Variants in ATG10 observed in about 807,000 individuals in gnomAD.
ATG10 encodes the protein ubiquitin-like-conjugating enzyme ATG10.
In ATG10, 30 loss-of-function variants were observed where a neutral mutation model predicts 32.1. The ratio of observed to expected loss-of-function variants is 0.94; its 90% CI spans 0.70 to 1.27. ATG10 has a LOEUF of 1.27. Ranked by LOEUF, ATG10 falls within the 50% of genes most tolerant of loss-of-function variation. The pLI, the probability that ATG10 is intolerant of heterozygous loss-of-function variation, is 0.00. For synonymous variants in ATG10, 87 were observed against 91.5 expected (o/e 0.95, Z 0.28); for missense variants, 233 against 262.3 (o/e 0.89, Z 0.77).
chr5:81,983,527 C>T (rs1157471058), intron 1 of ATG10, among the ~76,000 whole-genome samples: 3 of 145,720 alleles, frequency 2.1e-5, no homozygotes, highest in African/African-American at 7.7e-5. Context: ...CCCCCCACCT[C>T]CCTCCCGGAT....
chr5:82,014,396 GT>G (rs1287029622), intron 2 of ATG10, among the ~76,000 whole-genome samples: 1 of 152,112 alleles, frequency 6.6e-6, no homozygotes, highest in African/African-American at 2.4e-5. Flanking sequence ...TTAACTTTCT[GT>G]CTCGTTGATC....
At chr5:81,994,831 G>T (rs1319439924) in intron 2 of ATG10, among the ~76,000 whole-genome samples, 10 of 152,144 alleles carry the variant, frequency 6.6e-5, no homozygotes, top group Non-Finnish European at 1.2e-4. Flanking sequence ...TTCTCCTAGA[G>T]TCACACTATA....
chr5:82,188,677 T>C (rs918724760), intron 5 of ATG10, among the ~76,000 whole-genome samples: 4 of 150,734 alleles, frequency 2.7e-5, no homozygotes, highest in African/African-American at 9.8e-5. Flanking sequence ...GGGCTGGGGG[T>C]GAGGACCAGA....
At chr5:82,173,335 T>C (rs1019000828) in intron 4 of ATG10, among the ~76,000 whole-genome samples, 25 of 152,362 alleles carry the variant, frequency 1.6e-4, no homozygotes, top group African/African-American at 5.3e-4. Context: ...ATAGATTACT[T>C]GACATGTGGG....
chr5:82,253,286 C>T, intron 6 of ATG10, 28 bp from the exon 7 acceptor site: 2 of 1,452,668 alleles, frequency 1.4e-6, no homozygotes, highest in East Asian at 2.3e-5. Context: ...GAAACGTTAG[C>T]ATGGCCTGTA....
At chr5:82,183,792 A>G (rs1038335325) in intron 5 of ATG10, among the ~76,000 whole-genome samples, 1 of 152,192 alleles carries the variant, frequency 6.6e-6, no homozygotes, top group African/African-American at 2.4e-5. Context: ...CTAGCTTTCA[A>G]GATAATGAGT....
In ATG10 at chr5:82,161,605, TGACCCAAATCCTTCGATTAAGTATGCAC is replaced by T. The variant is rs1743345642; in HGVS notation, c.217-2793_217-2766del. Among the ~76,000 whole-genome samples the T allele has an allele frequency of 2.0e-5, 3 of 151,852 alleles. No homozygotes were observed. The South Asian group carries it at 6.2e-4, about 32-fold the overall frequency. On this transcript the variant is annotated intron_variant, in intron 3 of 7. Coordinates refer to ENST00000282185, the MANE Select transcript of ATG10 (RefSeq NM_031482.5). ...TTCTGCACTTTTCTATAGAAATTAA[TGACCCAAATCCTTCGATTAAGTATGCAC>T]TTAAGAATTGCACAGTGATGGCCTA...
chr5:82,232,257 G>A (rs796462239), intron 5 of ATG10, among the ~76,000 whole-genome samples: 5 of 152,228 alleles, frequency 3.3e-5, no homozygotes, highest in African/African-American at 1.2e-4. Context: ...AAAAAGTAAA[G>A]AATTAATGCT....
At chr5:82,209,012 A>C (rs1013864762) in intron 5 of ATG10, among the ~76,000 whole-genome samples, 1 of 152,018 alleles carries the variant, frequency 6.6e-6, no homozygotes, top group Non-Finnish European at 1.5e-5. Context: ...TGTTACCTTC[A>C]TAAAATGAGC....
chr5:82,057,470 C>T (rs1163688803), intron 2 of ATG10, among the ~76,000 whole-genome samples: 1 of 152,080 alleles, frequency 6.6e-6, no homozygotes, highest in Non-Finnish European at 1.5e-5. Flanking sequence ...CTAGATGCAC[C>T]GCTCCAGTCT....
At chr5:82,061,866 C>T (rs1301769168) in intron 3 of ATG10, among the ~76,000 whole-genome samples, 1 of 115,182 alleles carries the variant, frequency 8.7e-6, no homozygotes, top group Non-Finnish European at 1.6e-5. Flanking sequence ...TGCTCTGTCT[C>T]GCAGGCTGGA....
In ATG10 at chr5:82,181,246, T is replaced by C. The variant is rs1048944419; in HGVS notation, c.453+2659T>C. On this transcript the variant is annotated intron_variant, in intron 5 of 7. Transcript: ENST00000282185. ...TCCTTTGGAATTGATCTTATTGGGA[T>C]TTGATCTGTGAACAGATATCCTACT... Among the ~76,000 whole-genome samples the C allele has an allele frequency of 3.9e-5, 6 of 152,140 alleles. No individual in the cohort carries two copies. The East Asian group carries it at 9.6e-4, about 24-fold the overall frequency.
intron 3 of ATG10, among the ~76,000 whole-genome samples, chr5:82,156,899 G>A (rs1462177174): frequency 6.6e-6 from 1 of 152,158 alleles, no homozygotes; most frequent in Middle Eastern, 3.2e-3. Flanking sequence ...CTAAGAGATA[G>A]CCTCTTCCAC....
chr5:82,061,986 T>G (rs930467638), intron 3 of ATG10, among the ~76,000 whole-genome samples: 14 of 151,672 alleles, frequency 9.2e-5, no homozygotes, highest in African/African-American at 3.4e-4. Flanking sequence ...TGCACCACCA[T>G]GCCTAGCTGA....
chr5:82,149,803 T>C (rs1267689929), intron 3 of ATG10, among the ~76,000 whole-genome samples: 3 of 152,216 alleles, frequency 2.0e-5, no homozygotes, highest in Non-Finnish European at 2.9e-5. Flanking sequence ...TGATCTCCAA[T>C]GGCAAATTCT....
chr5:82,084,879 G>A (rs1268382729), intron 3 of ATG10, among the ~76,000 whole-genome samples: 1 of 152,156 alleles, frequency 6.6e-6, no homozygotes, highest in Non-Finnish European at 1.5e-5. Context: ...GCCAAAACAT[G>A]CCAAATTGTA....
rs746171483 is a variant in ATG10, at chr5:82,028,347, C to T, written c.109-30148C>T. Among the ~76,000 whole-genome samples the T allele has an allele frequency of 2.0e-4, 30 of 152,058 alleles. 1 individual carries two copies. The highest frequency in any genetic ancestry group is 7.4e-5 in the Non-Finnish European group (5 of 67,990). On this transcript the variant is annotated intron_variant, in intron 2 of 7. Transcript: ENST00000282185. ...AGTTCTTTGTAAAGAAGTACCAAAA[C>T]AAATTACTGGGGATGAAATATTGAA... is the stretch of plus-strand genomic sequence containing the variant.
chr5:82,055,347 C>T (rs190155614), intron 2 of ATG10, among the ~76,000 whole-genome samples: 12 of 152,044 alleles, frequency 7.9e-5, no homozygotes, highest in Non-Finnish European at 1.8e-4. Context: ...AAGTAAATTC[C>T]TCAAATTATA....
chr5:81,983,884 C>G (rs1761163134), intron 1 of ATG10, among the ~76,000 whole-genome samples: 1 of 150,874 alleles, frequency 6.6e-6, no homozygotes. Flanking sequence ...GGCAGAGGCG[C>G]TCCCCACATC....
Sources: gnomAD v4.1 joint callset for allele counts (sites outside exome capture counted in the v4.1 genomes callset) on GRCh38, gnomAD v4.1.1 for gene constraint, MANE v1.5 for transcripts, NCBI Gene and HGNC (gene_info 2026-07-23, HGNC 2026-07-21) for gene names.